LIFR: variants seen among roughly 807,000 people sequenced by gnomAD.
The protein encoded by LIFR is LIF receptor subunit alpha, also known as leukemia inhibitory factor receptor.
Under a neutral mutation model 122.2 loss-of-function variants are expected in LIFR, and 84 were observed. The observed-to-expected ratio is 0.69, with a 90% CI of 0.58 to 0.82. LIFR has a LOEUF of 0.82. LIFR is among the 40% of genes least tolerant of loss of function. The pLI, the probability that LIFR is intolerant of heterozygous loss-of-function variation, is 0.00. For missense variants in LIFR, 1,294 were observed against 1,311.6 expected (o/e 0.99, Z 0.21); for synonymous variants, 422 against 434.7 (o/e 0.97, Z 0.36).
At chr5:38,543,161 G>A (rs1747684863) in intron 1 of LIFR, among the ~76,000 whole-genome samples, 1 of 151,810 alleles carries the variant, frequency 6.6e-6, no homozygotes, top group African/African-American at 2.4e-5. Flanking sequence ...CTACTGATTG[G>A]AAAAGGTTAA....
At chr5:38,582,374 G>A (rs931796376) in intron 1 of LIFR, among the ~76,000 whole-genome samples, 2 of 152,178 alleles carry the variant, frequency 1.3e-5, no homozygotes, top group Non-Finnish European at 2.9e-5. Context: ...CAGGCAGAAA[G>A]GAGTTGGAAG....
rs147364478 is a variant in LIFR, at chr5:38,601,925, G to C, written n.305+4280C>G. Among the ~76,000 whole-genome samples the C allele has an allele frequency of 2.1e-3, 325 of 152,246 alleles. 8 individuals carry two copies. In the East Asian group the frequency reaches 0.04, roughly 19 times the overall value. On this transcript the variant is annotated intron_variant and non_coding_transcript_variant, in intron 2 of 3. Coordinates refer to the LIFR transcript ENST00000507786. ...CTGTTCTGTCTCCTGTGTTCTCACT[G>C]CTGGATAATAACACCAATGTCCATC...
chr5:38,500,730 T>C (rs1399378935), intron 11 of LIFR, among the ~76,000 whole-genome samples: 2 of 152,178 alleles, frequency 1.3e-5, no homozygotes, highest in Non-Finnish European at 2.9e-5. Context: ...AGACAACAGC[T>C]CATTAACTGA....
Position 38,481,464 on chromosome 5 carries a change from C to A in LIFR, c.*131G>T. ...AAGCACATGAACACTTTCAGTGTAA[C>A]TTAACATGTAGTGAAGTTCACCTCC... On this transcript the variant is annotated 3_prime_UTR_variant, in exon 20 of 20. Coordinates refer to ENST00000453190, the MANE Select transcript of LIFR (RefSeq NM_001127671.2). 9.9e-7 allele frequency: 1 copy of A among 1,014,128 alleles called. No individual in the cohort carries two copies. The highest frequency in any genetic ancestry group is 2.4e-5 in the East Asian group (1 of 42,080). 62.8% of individuals were successfully genotyped at this position (1,014,128 alleles called of 1,614,324 possible).
At chr5:38,584,339 C>G (rs1749679977) in intron 1 of LIFR, among the ~76,000 whole-genome samples, 1 of 152,078 alleles carries the variant, frequency 6.6e-6, no homozygotes, top group East Asian at 1.9e-4. Flanking sequence ...CCAGCAATCC[C>G]TCTTCTGGGT....
At chr5:38,559,727 A>G (rs565816866), upstream of LIFR, among the ~76,000 whole-genome samples, 7 of 152,362 alleles carry the variant, frequency 4.6e-5, no homozygotes, top group African/African-American at 1.7e-4. Context: ...GTCACAAGCT[A>G]AAATTGAATG....
intron 13 of LIFR, among the ~76,000 whole-genome samples, chr5:38,495,168 A>G (rs1744812862): frequency 6.6e-6 from 1 of 152,212 alleles, no homozygotes; most frequent in South Asian, 2.1e-4. Context: ...AGTGTCTGGA[A>G]GCTGATGACA....
intron 17 of LIFR, 62 bp from the exon 18 acceptor site, chr5:38,484,930 G>C (rs1744202625): frequency 5.4e-6 from 6 of 1,109,654 alleles, no homozygotes; most frequent in Non-Finnish European, 8.2e-6. Flanking sequence ...CAGAATAGAT[G>C]TATGTTAGAA....
chr5:38,516,405 G>A lies in LIFR; in HGVS notation c.562-4441C>T, dbSNP rs548283132. ...AACCCCATCAAAAAAGCGGGCAAAC[G>A]ATATGCACAGACACTTCTCAAAAGA... is the stretch of plus-strand genomic sequence containing the variant. On this transcript the variant is annotated intron_variant, in intron 5 of 19. Coordinates refer to ENST00000453190, the MANE Select transcript of LIFR (RefSeq NM_001127671.2). 3.3e-5 allele frequency among the ~76,000 whole-genome samples: 5 copies of A among 152,224 alleles called. No homozygotes were observed. In the East Asian group the frequency reaches 5.8e-4, roughly 18 times the overall value.
intron 11 of LIFR, among the ~76,000 whole-genome samples, chr5:38,499,805 C>T (rs1745083169): frequency 6.6e-6 from 1 of 152,168 alleles, no homozygotes. Context: ...GCCAGCTGTA[C>T]TGATTCCCTG....
Position 38,481,889 on chromosome 5 carries a change from G to T in LIFR, c.3000C>A (p.Gly1000=), listed in dbSNP as rs759761458. The T allele has an allele frequency of 1.9e-6, 3 of 1,614,096 alleles. No homozygotes were observed. The Admixed American group carries it at 5.0e-5, about 27-fold the overall frequency. The change falls in exon 20 of 20, where the codon GGC becomes GGA. Residue 1000 remains glycine (G), a synonymous_variant. Transcript: ENST00000453190. ...EQENDPVGGA[G]YKPQMHLPIN... ...TGGGGAGGTGCATCTGTGGCTTATA[G>T]CCTGCCCCTCCTACAGGGTCATTTT... is the stretch of plus-strand genomic sequence containing the variant.
At position 38,602,515 on chromosome 5, in the gene LIFR, C is replaced by T. The variant is rs1216641819; in HGVS notation, n.305+3690G>A. On this transcript the variant is annotated intron_variant and non_coding_transcript_variant, in intron 2 of 3. Transcript: ENST00000507786. ...TCTCTTTTCTTTTTTTTTTCTCCATCTCTTCTTCTTTTACATCCATTGTAT... is the reference window on the plus strand; with the variant it reads ...TCTCTTTTCTTTTTTTTTTCTCCATTTCTTCTTCTTTTACATCCATTGTAT... 2.0e-5 allele frequency among the ~76,000 whole-genome samples: 3 copies of T among 151,686 alleles called. No homozygotes were observed. The East Asian group carries it at 5.8e-4, about 29-fold the overall frequency.
Position 38,495,245 on chromosome 5 carries a change from G to A in LIFR, c.1885+1137C>T, listed in dbSNP as rs16903988. Among the ~76,000 whole-genome samples, 431 of 152,268 alleles carry A rather than the reference G, an allele frequency of 2.8e-3. 2 individuals are homozygous for A. The highest frequency in any genetic ancestry group is 9.8e-3 in the African/African-American group (408 of 41,558). Reference sequence around the variant, plus strand: ...CAGAAAAGGTAGGATTATGTTTCCTGAATTAAAAGACAACATAGCTATTGC... The same window carrying A: ...CAGAAAAGGTAGGATTATGTTTCCTAAATTAAAAGACAACATAGCTATTGC... On this transcript the variant is annotated intron_variant, in intron 13 of 19. Transcript: ENST00000453190.
intron 2 of LIFR, among the ~76,000 whole-genome samples, chr5:38,600,588 G>A (rs947106842): frequency 1.3e-5 from 2 of 152,186 alleles, no homozygotes; most frequent in African/African-American, 4.8e-5. Flanking sequence ...TCACTGAACA[G>A]TTGCCATCCC....
intron 1 of LIFR, among the ~76,000 whole-genome samples, chr5:38,544,625 G>A (rs1052256767): frequency 6.6e-6 from 1 of 152,126 alleles, no homozygotes; most frequent in African/African-American, 2.4e-5. Context: ...CTTCCTTGTG[G>A]TATCCTATTT....
chr5:38,481,509 C>A lies in LIFR; in HGVS notation c.*86G>T. The stretch of plus-strand genomic sequence containing the variant: ...ACCTCCTAACAATACTTCACAGGAT[C>A]CCTCCAAGAATGCCCAGTGCTGATG... On this transcript the variant is annotated 3_prime_UTR_variant, in exon 20 of 20. Transcript: ENST00000453190. 2.2e-6 allele frequency: 3 copies of A among 1,341,530 alleles called. No homozygotes were observed. The highest frequency in any genetic ancestry group is 3.2e-6 in the Non-Finnish European group (3 of 932,222). The allele number at this position is 1,341,530 out of a possible 1,614,324, so 83.1% of individuals were successfully genotyped here. A position where few individuals can be genotyped will look rare whatever the true frequency, so the allele number is the denominator to read the frequency against.
At chr5:38,516,785 C>G (rs1490925195) in intron 5 of LIFR, among the ~76,000 whole-genome samples, 1 of 152,130 alleles carries the variant, frequency 6.6e-6, no homozygotes, top group Admixed American at 6.6e-5. Context: ...CTATTCACAA[C>G]AGCAAAGACT....
At chr5:38,498,536 C>T (rs1362580408) in intron 12 of LIFR, among the ~76,000 whole-genome samples, 1 of 152,204 alleles carries the variant, frequency 6.6e-6, no homozygotes, top group Non-Finnish European at 1.5e-5. Context: ...TGAAAACTCA[C>T]TATGACCAAA....
intron 10 of LIFR, among the ~76,000 whole-genome samples, chr5:38,503,710 T>G (rs1745303514): frequency 6.7e-6 from 1 of 149,230 alleles, no homozygotes. Flanking sequence ...CAAAAACTAC[T>G]CATTCATTCA....
Sources: allele counts gnomAD v4.1 joint callset (sites outside exome capture counted in the v4.1 genomes callset), GRCh38; gene constraint gnomAD v4.1.1; transcripts MANE v1.5; gene names NCBI Gene and HGNC (gene_info 2026-07-23, HGNC 2026-07-21).